Variants in MMP26 observed in about 807,000 individuals in gnomAD.
MMP26 encodes the protein matrix metallopeptidase 26.
Under a neutral mutation model 31.0 loss-of-function variants are expected in MMP26, and 33 were observed. That is an observed-to-expected ratio of 1.06 (90% CI 0.81 to 1.42). The LOEUF (loss-of-function observed/expected upper bound fraction) is 1.42, where lower values mean the gene tolerates loss of function less well. Ranked by LOEUF, MMP26 falls within the 40% of genes most tolerant of loss-of-function variation. The pLI is 0.00. For missense variants in MMP26, 347 were observed against 316.1 expected, an observed-to-expected ratio of 1.10 and a Z score of -0.74; for synonymous variants, 122 against 114.9, an observed-to-expected ratio of 1.06 and a Z score of -0.40.
intron 2 of MMP26, chr11:4,915,070 C>T: frequency 6.2e-7 from 1 of 1,613,974 alleles, no homozygotes; most frequent in South Asian, 1.1e-5. Context: ...TGCTGTTGGC[C>T]TTCATGTCGG....
intron 2 of MMP26, among the ~76,000 whole-genome samples, chr11:4,983,368 G>A (rs1846842100): frequency 6.6e-6 from 1 of 152,136 alleles, no homozygotes; most frequent in African/African-American, 2.4e-5. Flanking sequence ...ATTAGATATT[G>A]AATCTTCTCC....
intron 2 of MMP26, among the ~76,000 whole-genome samples, chr11:4,772,303 A>G (rs1216309492): frequency 6.6e-6 from 1 of 152,222 alleles, no homozygotes; most frequent in Non-Finnish European, 1.5e-5. Flanking sequence ...ATTGGGGAAT[A>G]GAGAGATGTA....
intron 2 of MMP26, among the ~76,000 whole-genome samples, chr11:4,984,156 A>G (rs954116418): frequency 6.6e-6 from 1 of 152,154 alleles, no homozygotes; most frequent in African/African-American, 2.4e-5. Flanking sequence ...GCGTGTCAAG[A>G]TGAAAGACGG....
chr11:4,904,896 AC>A (rs2133562517), intron 2 of MMP26, among the ~76,000 whole-genome samples: 1 of 152,182 alleles, frequency 6.6e-6, no homozygotes, highest in East Asian at 1.9e-4. Context: ...GATAAATAAA[AC>A]CTTTTTATAC....
chr11:4,804,841 A>T (rs1849244678), intron 2 of MMP26, among the ~76,000 whole-genome samples: 1 of 151,824 alleles, frequency 6.6e-6, no homozygotes, highest in African/African-American at 2.4e-5. Context: ...ATGGTAGAGC[A>T]CGCCTATAGT....
chr11:4,760,406 T>G (rs1848557134), intron 1 of MMP26, among the ~76,000 whole-genome samples: 1 of 152,176 alleles, frequency 6.6e-6, no homozygotes, highest in Admixed American at 6.5e-5. Flanking sequence ...AAGCAATGAA[T>G]GTACAAAGTG....
At chr11:4,772,698 C>T (rs1031739096) in intron 2 of MMP26, among the ~76,000 whole-genome samples, 1 of 152,172 alleles carries the variant, frequency 6.6e-6, no homozygotes, top group Non-Finnish European at 1.5e-5. Flanking sequence ...TCAGTGTAGG[C>T]AGTTGACTAA....
At chr11:4,872,553 T>C (rs1448524309) in intron 2 of MMP26, among the ~76,000 whole-genome samples, 1 of 151,730 alleles carries the variant, frequency 6.6e-6, no homozygotes, top group Non-Finnish European at 1.5e-5. Flanking sequence ...CAATAGCAGA[T>C]AGTTTCTTAT....
chr11:4,776,570 C>T (rs190666942), intron 2 of MMP26, among the ~76,000 whole-genome samples: 1 of 152,050 alleles, frequency 6.6e-6, no homozygotes, highest in African/African-American at 2.4e-5. Context: ...GTGCCCCCTA[C>T]CTAAATCTCA....
At chr11:4,791,279 G>A (rs1467061968) in intron 2 of MMP26, among the ~76,000 whole-genome samples, 1 of 152,178 alleles carries the variant, frequency 6.6e-6, no homozygotes, top group Non-Finnish European at 1.5e-5. Flanking sequence ...CTAGGCAGCT[G>A]GGCTCATTCT....
intron 2 of MMP26, among the ~76,000 whole-genome samples, chr11:4,920,410 C>T (rs1007909415): frequency 1.3e-5 from 2 of 152,144 alleles, no homozygotes; most frequent in African/African-American, 4.8e-5. Context: ...ATGACTATTT[C>T]TACAAATTCC....
At chr11:4,930,910 T>C (rs1721080486) in intron 2 of MMP26, among the ~76,000 whole-genome samples, 1 of 152,020 alleles carries the variant, frequency 6.6e-6, no homozygotes, top group African/African-American at 2.4e-5. Context: ...CAAATGTGTC[T>C]AATTGTTAAT....
chr11:4,816,162 A>T (rs943951272), intron 2 of MMP26, among the ~76,000 whole-genome samples: 4 of 151,974 alleles, frequency 2.6e-5, no homozygotes, highest in African/African-American at 9.7e-5. Context: ...TTTAATTTCC[A>T]TGTGTTTGTA....
At chr11:4,988,554 G>A (rs573013633) in intron 3 of MMP26, among the ~76,000 whole-genome samples, 13 of 151,994 alleles carry the variant, frequency 8.6e-5, no homozygotes, top group African/African-American at 3.1e-4. Flanking sequence ...GCCTAATTCA[G>A]CCCCATTGCT....
intron 2 of MMP26, among the ~76,000 whole-genome samples, chr11:4,778,428 G>A (rs1180878741): frequency 6.6e-6 from 1 of 151,860 alleles, no homozygotes; most frequent in Non-Finnish European, 1.5e-5. Flanking sequence ...ATCACTTTTG[G>A]TATCTATCAA....
chr11:4,882,543 T>C, intron 2 of MMP26: 1 of 1,613,948 alleles, frequency 6.2e-7, no homozygotes, highest in Non-Finnish European at 8.5e-7. Flanking sequence ...GACGTATTGT[T>C]TATTCTTTTC....
chr11:4,736,894 G>A (rs544261340), intron 1 of MMP26: 1 of 152,882 alleles, frequency 6.5e-6, no homozygotes, highest in South Asian at 2.1e-4. Context: ...CAGGTCAGTG[G>A]TTGAGAGCAT....
intron 2 of MMP26, among the ~76,000 whole-genome samples, chr11:4,880,093 C>T (rs1008906295): frequency 2.6e-5 from 4 of 152,046 alleles, no homozygotes; most frequent in South Asian, 2.1e-4. Context: ...GGGTAAGTCT[C>T]GGAGATGTGT....
rs190655265 is a variant in MMP26 at position 4,932,101 on chromosome 11, A to G, written c.-144-55967A>G. On this transcript the variant is annotated intron_variant, in intron 2 of 7. Transcript: ENST00000380390. ...AAACAACTCCCGATAGAGTTGTTCC[A>G]TTTTGAACAACTTCTGGATGGTCTC... Among the ~76,000 whole-genome samples, 458 of 152,268 alleles carry G rather than the reference A, an allele frequency of 3.0e-3. 2 individuals are homozygous for G. Among genetic ancestry groups the G allele is most frequent in the African/African-American group, 0.01 (432 of 41,566 alleles).
Sources: gnomAD v4.1 joint callset for allele counts (sites outside exome capture counted in the v4.1 genomes callset) on GRCh38, gnomAD v4.1.1 for gene constraint, MANE v1.5 for transcripts, NCBI Gene and HGNC (gene_info 2026-07-23, HGNC 2026-07-21) for gene names.